Variants in PARD3B observed in about 807,000 individuals in gnomAD.
The protein encoded by PARD3B is partitioning defective 3 homolog B.
PARD3B carries 103 observed loss-of-function variants against 130.2 expected under a neutral mutation model. That is an observed-to-expected ratio of 0.79 (90% CI 0.67 to 0.93). The LOEUF is 0.93. PARD3B is among the 40% of genes least tolerant of loss of function. PARD3B has a pLI of 0.00. For synonymous variants in PARD3B, 583 were observed against 553.2 expected, an observed-to-expected ratio of 1.05 and a Z score of -0.76; for missense variants, 1,609 against 1,499.2, an observed-to-expected ratio of 1.07 and a Z score of -1.21.
chr2:205,007,423 C>T (rs184757596), intron 3 of PARD3B, among the ~76,000 whole-genome samples: 29 of 152,288 alleles, frequency 1.9e-4, no homozygotes, highest in Non-Finnish European at 3.5e-4. Context: ...CCAGTTTTCC[C>T]AGTACCATTT....
chr2:204,691,000 A>T (rs779821257), intron 2 of PARD3B, among the ~76,000 whole-genome samples: 1 of 152,084 alleles, frequency 6.6e-6, no homozygotes, highest in African/African-American at 2.4e-5. Flanking sequence ...GTTATCGTCT[A>T]TAGTGTAGAA....
At chr2:205,454,791 G>A (rs1033504100) in intron 20 of PARD3B, among the ~76,000 whole-genome samples, 15 of 151,956 alleles carry the variant, frequency 9.9e-5, no homozygotes, top group East Asian at 1.9e-4. Context: ...ATTTATTCAC[G>A]AAAAACCAAG....
rs896218101 is a variant in PARD3B at position 204,689,376 on chromosome 2, T to C, written c.222+3094T>C. Among the ~76,000 whole-genome samples, 2 of 152,166 alleles carry C rather than the reference T, an allele frequency of 1.3e-5. No homozygotes were observed. Among genetic ancestry groups the C allele is most frequent in the African/African-American group, 4.8e-5 (2 of 41,440 alleles). The stretch of plus-strand genomic sequence containing the variant: ...CTTCTAGCCTATATGTGTCAAAATA[T>C]TATTGGAACAGCTTTGGAATATTGC... On this transcript the variant is annotated intron_variant, in intron 2 of 22. Coordinates refer to ENST00000406610, the MANE Select transcript of PARD3B (RefSeq NM_001302769.2). This position sits in a 1 kb window ranked among gnomAD's most constrained non-coding sequence, Gnocchi z 5.2.
intron 20 of PARD3B, among the ~76,000 whole-genome samples, chr2:205,471,163 C>A (rs1195896680): frequency 3.3e-5 from 5 of 152,110 alleles, no homozygotes; most frequent in Non-Finnish European, 7.4e-5. Context: ...GTCTTGGGCA[C>A]AGTTTCCTAG....
chr2:205,052,402 G>C (rs916998021), intron 4 of PARD3B, among the ~76,000 whole-genome samples: 3 of 124,974 alleles, frequency 2.4e-5, no homozygotes, highest in Non-Finnish European at 4.9e-5. Context: ...AAGTCCATGT[G>C]TATTTTATAT....
At chr2:205,141,328 T>C (rs1267394150) in intron 10 of PARD3B, among the ~76,000 whole-genome samples, 2 of 152,234 alleles carry the variant, frequency 1.3e-5, no homozygotes, top group Non-Finnish European at 2.9e-5. Flanking sequence ...CAACTTTTAG[T>C]TGGCTTTTCA....
chr2:205,222,457 G>A (rs891115919), intron 15 of PARD3B, among the ~76,000 whole-genome samples: 2 of 152,284 alleles, frequency 1.3e-5, no homozygotes, highest in East Asian at 1.9e-4. Context: ...AAGAGTTTTT[G>A]TAAGGATTAA....
At chr2:204,746,351 C>A (rs1379749279) in intron 2 of PARD3B, among the ~76,000 whole-genome samples, 3 of 151,532 alleles carry the variant, frequency 2.0e-5, no homozygotes, top group Admixed American at 2.0e-4. Context: ...ACGGTGTATA[C>A]GTGCCACATT....
At chr2:205,409,631 G>A (rs562294791) in intron 19 of PARD3B, among the ~76,000 whole-genome samples, 16 of 152,200 alleles carry the variant, frequency 1.1e-4, no homozygotes, top group Middle Eastern at 6.8e-3. Context: ...CTTGTCAGCC[G>A]AGCTGGATTA....
At chr2:204,710,434 A>G (rs980886479) in intron 2 of PARD3B, among the ~76,000 whole-genome samples, 1 of 152,206 alleles carries the variant, frequency 6.6e-6, no homozygotes, top group Admixed American at 6.5e-5. Flanking sequence ...AAATTGTTAG[A>G]CTAATATGTA....
chr2:204,722,859 G>T, intron 2 of PARD3B, among the ~76,000 whole-genome samples: 1 of 151,920 alleles, frequency 6.6e-6, no homozygotes, highest in East Asian at 1.9e-4. Context: ...ATGCTGTCTG[G>T]CTCTCACTTC....
intron 1 of PARD3B, among the ~76,000 whole-genome samples, chr2:204,589,003 GAT>G (rs2032958458): frequency 6.6e-6 from 1 of 151,974 alleles, no homozygotes; most frequent in Non-Finnish European, 1.5e-5. Flanking sequence ...AAAATTGACA[GAT>G]GTGATAAAAA....
At chr2:205,314,893 C>T (rs906723371) in intron 18 of PARD3B, among the ~76,000 whole-genome samples, 7 of 152,116 alleles carry the variant, frequency 4.6e-5, no homozygotes, top group African/African-American at 7.2e-5. Flanking sequence ...CCGTGATGTC[C>T]GGGATGCCTC....
intron 15 of PARD3B, among the ~76,000 whole-genome samples, chr2:205,218,317 C>G (rs1475874635): frequency 6.6e-6 from 1 of 152,084 alleles, no homozygotes. Context: ...TTACAAAAAC[C>G]TACTGAAGTA....
intron 2 of PARD3B, among the ~76,000 whole-genome samples, chr2:204,727,369 A>C (rs969898498): frequency 6.6e-6 from 1 of 152,238 alleles, no homozygotes; most frequent in African/African-American, 2.4e-5. Flanking sequence ...TCCTGCAGTC[A>C]GCTATATAGG....
intron 2 of PARD3B, among the ~76,000 whole-genome samples, chr2:204,913,977 T>G (rs2047345766): frequency 6.6e-6 from 1 of 152,220 alleles, no homozygotes; most frequent in African/African-American, 2.4e-5. Context: ...GCTTAGCTTT[T>G]GCGTGTGTGC....
chr2:204,750,400 A>G (rs2040413290), intron 2 of PARD3B, among the ~76,000 whole-genome samples: 1 of 152,168 alleles, frequency 6.6e-6, no homozygotes, highest in Non-Finnish European at 1.5e-5. Context: ...CCTGGGCAAC[A>G]CGACAAAACC....
At chr2:205,174,976 C>G (rs2035385418) in intron 12 of PARD3B, among the ~76,000 whole-genome samples, 1 of 152,104 alleles carries the variant, frequency 6.6e-6, no homozygotes, top group African/African-American at 2.4e-5. Context: ...GGGTTATGAC[C>G]TGATTTTGTT....
intron 1 of PARD3B, among the ~76,000 whole-genome samples, chr2:204,564,507 A>G (rs767310408): frequency 6.7e-6 from 1 of 149,088 alleles, no homozygotes; most frequent in Non-Finnish European, 1.5e-5. Context: ...TGTGCGTTAT[A>G]TCTATATTTA....
Sources: gnomAD v4.1 joint callset for allele counts (sites outside exome capture counted in the v4.1 genomes callset) on GRCh38, gnomAD v4.1.1 for gene constraint, Gnocchi (gnomAD v3.1) non-coding constraint, MANE v1.5 for transcripts, NCBI Gene and HGNC (gene_info 2026-07-23, HGNC 2026-07-21) for gene names.